The following TMEM117 variants were observed in gnomAD, a reference collection of about 807,000 sequenced individuals.
The protein encoded by TMEM117 is transmembrane protein 117.
In TMEM117, 27 loss-of-function variants were observed where a neutral mutation model predicts 52.4. The ratio of observed to expected loss-of-function variants is 0.51; its 90% confidence interval spans 0.38 to 0.71. The LOEUF (loss-of-function observed/expected upper bound fraction) is 0.71, where lower values mean the gene tolerates loss of function less well. Among genes scored for constraint, TMEM117 ranks in the 30% least tolerant of loss-of-function variants. The pLI, the probability that TMEM117 is intolerant of heterozygous loss-of-function variation, is 0.00. For synonymous variants in TMEM117, 215 were observed against 206.3 expected, an observed-to-expected ratio of 1.04 and a Z score of -0.36; for missense variants, 556 against 630.5, an observed-to-expected ratio of 0.88 and a Z score of 1.26.
At chr12:43,807,362 G>A in the TMEM117 span, among the ~76,000 whole-genome samples, 1 of 152,166 alleles carries the variant, frequency 6.6e-6, no homozygotes, top group South Asian at 2.1e-4. Context: ...AGCAAACAAG[G>A]TTATGTTCTA....
chr12:43,886,874 GTCTC>G (rs1230249160), intron 2 of TMEM117, among the ~76,000 whole-genome samples: 2 of 151,964 alleles, frequency 1.3e-5, no homozygotes, highest in African/African-American at 2.4e-5. Flanking sequence ...TGGAGACAGA[GTCTC>G]TCTCTCTTGT....
At chr12:44,119,692 C>A (rs1240969434) in intron 3 of TMEM117, among the ~76,000 whole-genome samples, 1 of 152,180 alleles carries the variant, frequency 6.6e-6, no homozygotes, top group Non-Finnish European at 1.5e-5. Flanking sequence ...TTAGCCATGT[C>A]AGTGACTCCC....
intron 3 of TMEM117, among the ~76,000 whole-genome samples, chr12:44,115,472 A>G (rs1370063213): frequency 6.6e-6 from 1 of 152,146 alleles, no homozygotes; most frequent in African/African-American, 2.4e-5. Context: ...AAAACCCGCT[A>G]TGCCATTCCT....
At chr12:43,815,384 T>A in the TMEM117 span, among the ~76,000 whole-genome samples, 1 of 152,220 alleles carries the variant, frequency 6.6e-6, no homozygotes, top group Non-Finnish European at 1.5e-5. Context: ...CAGGGAAGTT[T>A]CTGTTTGCCT....
chr12:44,224,391 G>T (rs76095047), intron 5 of TMEM117, among the ~76,000 whole-genome samples: 1 of 152,002 alleles, frequency 6.6e-6, no homozygotes, highest in Non-Finnish European at 1.5e-5. Context: ...TACTTAATCT[G>T]CAGATTCATT....
chr12:44,107,730 C>T (rs940730042), intron 3 of TMEM117, among the ~76,000 whole-genome samples: 3 of 152,124 alleles, frequency 2.0e-5, no homozygotes, highest in African/African-American at 7.2e-5. Flanking sequence ...CATTATTTTA[C>T]TTCTTTCATG....
chr12:43,898,026 GCGCA>G (rs1222597438), intron 2 of TMEM117, among the ~76,000 whole-genome samples: 5 of 46,478 alleles, frequency 1.1e-4, no homozygotes, highest in East Asian at 2.4e-3. Context: ...ACATGCACAT[GCGCA>G]CACACACACA....
chr12:43,898,555 T>C (rs1944251916), intron 2 of TMEM117, among the ~76,000 whole-genome samples: 1 of 152,090 alleles, frequency 6.6e-6, no homozygotes, highest in Admixed American at 6.5e-5. Context: ...ATCTCATCTG[T>C]AATCCACTTT....
At chr12:43,846,340 C>CAAT (rs34951339) in intron 2 of TMEM117, among the ~76,000 whole-genome samples, 1 of 151,930 alleles carries the variant, frequency 6.6e-6, no homozygotes, top group African/African-American at 2.4e-5. Context: ...TGTTATGATG[C>CAAT]GTTTGTCTCT....
At chr12:43,875,486 A>G (rs115979474) in intron 2 of TMEM117, among the ~76,000 whole-genome samples, 305 of 152,306 alleles carry the variant, frequency 2.0e-3, no homozygotes, top group African/African-American at 6.5e-3. Context: ...TTTTGCTTTC[A>G]GTAGCTTAAG....
intron 5 of TMEM117, among the ~76,000 whole-genome samples, chr12:44,240,971 C>G (rs1284917064): frequency 6.6e-6 from 1 of 151,930 alleles, no homozygotes; most frequent in African/African-American, 2.4e-5. Flanking sequence ...TTGAATCATG[C>G]ATTGGATTAG....
chr12:44,019,513 A>T (rs529963966), intron 3 of TMEM117, among the ~76,000 whole-genome samples: 1 of 152,082 alleles, frequency 6.6e-6, no homozygotes, highest in Non-Finnish European at 1.5e-5. Flanking sequence ...TCTCTTCTCT[A>T]TACATTTCTC....
intron 6 of TMEM117, among the ~76,000 whole-genome samples, chr12:44,369,021 G>T (rs1349291492): frequency 6.6e-6 from 1 of 151,848 alleles, no homozygotes; most frequent in Non-Finnish European, 1.5e-5. Flanking sequence ...CAACTCTTCA[G>T]AGCTAGTTAT....
chr12:44,137,660 C>T (rs1948511177), intron 3 of TMEM117, among the ~76,000 whole-genome samples: 1 of 152,072 alleles, frequency 6.6e-6, no homozygotes, highest in Non-Finnish European at 1.5e-5. Flanking sequence ...TGGATGGCGG[C>T]CAGCAAAGAG....
At position 44,198,399 on chromosome 12, in the gene TMEM117, G is replaced by C. The variant is rs542775020; in HGVS notation, c.511-12891G>C. 7.9e-5 allele frequency among the ~76,000 whole-genome samples: 12 copies of C among 152,212 alleles called. No homozygotes were observed. In the South Asian group the frequency reaches 2.3e-3, roughly 29 times the overall value. On this transcript the variant is annotated intron_variant, in intron 4 of 7. Coordinates refer to ENST00000266534, the MANE Select transcript of TMEM117 (RefSeq NM_032256.3). Reference sequence around the variant, plus strand: ...TGGATGCAAAATTACCAACAAAGCAGGGCCACCACAGAGGATGCTTGTATT... The same window carrying C: ...TGGATGCAAAATTACCAACAAAGCACGGCCACCACAGAGGATGCTTGTATT...
intron 5 of TMEM117, among the ~76,000 whole-genome samples, chr12:44,258,366 C>A (rs1328995813): frequency 6.6e-6 from 1 of 151,996 alleles, no homozygotes; most frequent in East Asian, 1.9e-4. Flanking sequence ...CTATTTCTTT[C>A]AAGAGTTTAA....
intron 3 of TMEM117, among the ~76,000 whole-genome samples, chr12:44,122,053 T>C (rs144472698): frequency 0.014 from 2,125 of 151,066 alleles, 17 homozygotes; most frequent in Non-Finnish European, 0.022. Context: ...CTTTTCTTTT[T>C]TTTTTTTTTT....
intron 5 of TMEM117, among the ~76,000 whole-genome samples, chr12:44,289,783 C>T (rs1245743148): frequency 6.6e-6 from 1 of 151,906 alleles, no homozygotes; most frequent in African/African-American, 2.4e-5. Context: ...CAAACTCCTT[C>T]CTGATCCGCC....
At chr12:44,087,434 G>GTATGTA (rs1565821985) in intron 3 of TMEM117, among the ~76,000 whole-genome samples, 1 of 149,982 alleles carries the variant, frequency 6.7e-6, no homozygotes, top group Non-Finnish European at 1.5e-5. Context: ...CTTTCTATGT[G>GTATGTA]TGTATGTATG....
Sources: gnomAD v4.1 joint callset for allele counts (sites outside exome capture counted in the v4.1 genomes callset) on GRCh38, gnomAD v4.1.1 for gene constraint, MANE v1.5 for transcripts, NCBI Gene and HGNC (gene_info 2026-07-23, HGNC 2026-07-21) for gene names.